Variants in FAM149B1 observed in about 807,000 individuals in gnomAD.
The protein encoded by FAM149B1 is family with sequence similarity 149 member B1.
In FAM149B1, 56 loss-of-function variants were observed where a neutral mutation model predicts 75.3. The ratio of observed to expected loss-of-function variants is 0.74; its 90% CI spans 0.60 to 0.93. FAM149B1 has a LOEUF of 0.93. FAM149B1 is among the 40% of genes least tolerant of loss of function. The probability of loss-of-function intolerance (pLI) is 0.00; values close to 1 mark genes in which losing one functional copy is unlikely to be tolerated. For synonymous variants in FAM149B1, 259 were observed against 256.1 expected (o/e 1.01, Z -0.11); for missense variants, 639 against 708.4 (o/e 0.90, Z 1.11).
intron 12 of FAM149B1, 35 bp from the exon 13 acceptor site, chr10:73,239,277 G>A: frequency 2.0e-6 from 3 of 1,498,084 alleles, no homozygotes; most frequent in Non-Finnish European, 2.7e-6. Context: ...GTGAGAAGAT[G>A]CATCATAAGA....
intron 6 of FAM149B1, among the ~76,000 whole-genome samples, 163 bp downstream of exon 6, chr10:73,208,949 C>T (rs1467702000): frequency 6.6e-6 from 1 of 152,052 alleles, no homozygotes; most frequent in Admixed American, 6.6e-5. Flanking sequence ...TTCTTATTGC[C>T]TCCATGTACT....
At chr10:73,170,524 A>AT (rs138811936) in intron 1 of FAM149B1, among the ~76,000 whole-genome samples, 4 of 151,994 alleles carry the variant, frequency 2.6e-5, no homozygotes, top group African/African-American at 9.7e-5. Flanking sequence ...ATAAATAAAT[A>AT]AAAATAAGAA....
At chr10:73,176,168 T>A (rs1448692348) in intron 2 of FAM149B1, among the ~76,000 whole-genome samples, 1 of 152,056 alleles carries the variant, frequency 6.6e-6, no homozygotes, top group African/African-American at 2.4e-5. Context: ...TAGATTCCCA[T>A]AAGGAATGCA....
intron 3 of FAM149B1, among the ~76,000 whole-genome samples, chr10:73,190,620 C>A: frequency 6.6e-6 from 1 of 151,790 alleles, no homozygotes; most frequent in East Asian, 1.9e-4. Flanking sequence ...CACTGGAACA[C>A]TGGAATGTAA....
At chr10:73,208,099 T>TG (rs2043107989) in intron 5 of FAM149B1, among the ~76,000 whole-genome samples, 1 of 152,234 alleles carries the variant, frequency 6.6e-6, no homozygotes, top group South Asian at 2.1e-4. Context: ...GTTTGGGTCA[T>TG]GGGGGAGGAT....
chr10:73,221,563 A>G (rs1264033764), intron 7 of FAM149B1, among the ~76,000 whole-genome samples: 1 of 151,946 alleles, frequency 6.6e-6, no homozygotes, highest in Admixed American at 6.6e-5. Flanking sequence ...CCTGGCTGCT[A>G]AGATTTTCTC....
intron 7 of FAM149B1, among the ~76,000 whole-genome samples, chr10:73,217,682 A>G (rs2043327324): frequency 6.6e-6 from 1 of 152,226 alleles, no homozygotes; most frequent in African/African-American, 2.4e-5. Flanking sequence ...AGCCTATATA[A>G]TATAACGTGA....
At chr10:73,216,556 A>G (rs2043303233) in intron 7 of FAM149B1, among the ~76,000 whole-genome samples, 1 of 152,204 alleles carries the variant, frequency 6.6e-6, no homozygotes, top group South Asian at 2.1e-4. Context: ...CCTTGTGACC[A>G]CAGAGGATGG....
chr10:73,209,214 C>T (rs1037207134), intron 6 of FAM149B1, among the ~76,000 whole-genome samples: 1 of 152,016 alleles, frequency 6.6e-6, no homozygotes, highest in African/African-American at 2.4e-5. Context: ...ATTGGGAGGC[C>T]GAGGCAGGCA....
chr10:73,185,158 G>T (rs1240270162), intron 3 of FAM149B1, among the ~76,000 whole-genome samples: 1 of 152,108 alleles, frequency 6.6e-6, no homozygotes, highest in African/African-American at 2.4e-5. Flanking sequence ...TTAACAAATT[G>T]ACTTAAAGAA....
At chr10:73,221,862 A>G (rs1217863207) in intron 7 of FAM149B1, among the ~76,000 whole-genome samples, 3 of 151,852 alleles carry the variant, frequency 2.0e-5, no homozygotes, top group African/African-American at 4.8e-5. Context: ...ATTCTGGGCA[A>G]TTGCTATTGT....
chr10:73,242,518 C>T lies in FAM149B1; in HGVS notation c.*1499C>T, dbSNP rs139898273. The T allele has an allele frequency of 6.6e-6, 1 of 152,208 alleles. No homozygotes were observed. The highest frequency in any genetic ancestry group is 2.4e-5 in the African/African-American group (1 of 41,528). The allele number at this position is 152,208 out of a possible 1,614,324, so 9.4% of individuals were successfully genotyped here. The stretch of plus-strand genomic sequence containing the variant: ...ATTTTTTTTTAACCAAAAAACTGGA[C>T]ATGTTTAATACATACAGTTTGACAA... On this transcript the variant is annotated 3_prime_UTR_variant, in exon 14 of 14. Coordinates refer to ENST00000242505, the MANE Select transcript of FAM149B1 (RefSeq NM_173348.2).
intron 5 of FAM149B1, chr10:73,200,468 C>A: frequency 1.6e-6 from 1 of 616,584 alleles, no homozygotes; most frequent in Non-Finnish European, 3.2e-6. Flanking sequence ...GCTGAAGTAC[C>A]ACATATTGTT....
intron 3 of FAM149B1, among the ~76,000 whole-genome samples, chr10:73,180,145 T>C (rs1299957206): frequency 1.3e-5 from 2 of 152,160 alleles, no homozygotes; most frequent in Non-Finnish European, 2.9e-5. Flanking sequence ...ATCAGGGGGA[T>C]TCATTATCAG....
At chr10:73,170,446 G>A (rs1393858251) in intron 1 of FAM149B1, among the ~76,000 whole-genome samples, 3 of 151,248 alleles carry the variant, frequency 2.0e-5, no homozygotes, top group South Asian at 2.1e-4. Context: ...GGAGGTTGCC[G>A]TGAGCCGAGA....
At position 73,168,170 on chromosome 10, in the gene FAM149B1, A is replaced by C; in HGVS notation, c.-170A>C. 1 of 664,620 alleles carries C rather than the reference A, an allele frequency of 1.5e-6. No homozygotes were observed. Among genetic ancestry groups the C allele is most frequent in the East Asian group, 3.0e-5 (1 of 33,786 alleles). 41.2% of individuals were successfully genotyped at this position (664,620 alleles called of 1,614,324 possible). A position where few individuals can be genotyped will look rare whatever the true frequency, so the allele number is the denominator to read the frequency against. On this transcript the variant is annotated 5_prime_UTR_variant, in exon 1 of 14. Coordinates refer to ENST00000242505, the MANE Select transcript of FAM149B1 (RefSeq NM_173348.2). ...AGGTCGGAGGACTGGAGAGGTGGGG[A>C]CCCTGGGGAGGTGGCTGCTCGGAGT...
chr10:73,236,482 C>G (rs2043825387), intron 12 of FAM149B1, among the ~76,000 whole-genome samples: 1 of 149,934 alleles, frequency 6.7e-6, no homozygotes. Flanking sequence ...GGCGCAATCT[C>G]AGCTCACTGC....
chr10:73,233,906 C>T (rs1297129315), intron 10 of FAM149B1, among the ~76,000 whole-genome samples: 2 of 152,152 alleles, frequency 1.3e-5, no homozygotes, highest in South Asian at 2.1e-4. Flanking sequence ...ACTTCATAAA[C>T]CTCAGATAAG....
chr10:73,169,452 G>A (rs1843609944), intron 1 of FAM149B1, among the ~76,000 whole-genome samples: 1 of 150,908 alleles, frequency 6.6e-6, no homozygotes, highest in South Asian at 2.1e-4. Context: ...TTCCAAAAGG[G>A]CCTTCACTTT....
Sources: allele counts gnomAD v4.1 joint callset (sites outside exome capture counted in the v4.1 genomes callset), GRCh38; gene constraint gnomAD v4.1.1; transcripts MANE v1.5; gene names NCBI Gene and HGNC (gene_info 2026-07-23, HGNC 2026-07-21).